The following ADGRL2 variants were observed in gnomAD, a reference collection of about 807,000 sequenced individuals.
ADGRL2 encodes the protein adhesion G protein-coupled receptor L2.
In ADGRL2, 44 loss-of-function variants were observed where a neutral mutation model predicts 157.4. The ratio of observed to expected loss-of-function variants is 0.28; its 90% CI spans 0.22 to 0.36. ADGRL2 has a LOEUF of 0.36. Ranked by LOEUF, ADGRL2 falls within the 10% of genes least tolerant of loss-of-function variation. The pLI, the probability that ADGRL2 is intolerant of heterozygous loss-of-function variation, is 1.00. For missense variants in ADGRL2, 1,510 were observed against 1,768.9 expected (o/e 0.85, Z 2.63); for synonymous variants, 585 against 624.7 (o/e 0.94, Z 0.95).
chr1:81,918,199 G>A (rs146730869), intron 3 of ADGRL2, among the ~76,000 whole-genome samples: 2,531 of 152,154 alleles, frequency 0.017, 46 homozygotes, highest in South Asian at 0.062. Flanking sequence ...TGAAGAAATG[G>A]CCTCTAGAAA....
At chr1:81,415,096 A>C (rs572704040) in intron 1 of ADGRL2, among the ~76,000 whole-genome samples, 1 of 152,358 alleles carries the variant, frequency 6.6e-6, no homozygotes, top group African/African-American at 2.4e-5. Flanking sequence ...AACACAAGGG[A>C]TATAGCTTTT....
intron 1 of ADGRL2, among the ~76,000 whole-genome samples, chr1:81,713,957 C>T (rs1485325697): frequency 6.6e-6 from 1 of 152,086 alleles, no homozygotes; most frequent in African/African-American, 2.4e-5. Flanking sequence ...GCTGGGGAGG[C>T]CTCACAATCA....
intron 1 of ADGRL2, among the ~76,000 whole-genome samples, chr1:81,824,756 A>T (rs1230616584): frequency 6.6e-6 from 1 of 152,156 alleles, no homozygotes; most frequent in Admixed American, 6.6e-5. Flanking sequence ...TAAACTATCA[A>T]GTTTATTCTG....
At chr1:81,446,351 G>A (rs2077596910) in intron 2 of ADGRL2, among the ~76,000 whole-genome samples, 1 of 152,116 alleles carries the variant, frequency 6.6e-6, no homozygotes, top group Admixed American at 6.5e-5. Context: ...AAAACAAAAA[G>A]CCTTTCAGGG....
chr1:81,501,350 A>G (rs186058095), intron 2 of ADGRL2, among the ~76,000 whole-genome samples: 10 of 152,306 alleles, frequency 6.6e-5, no homozygotes, highest in Admixed American at 4.6e-4. Flanking sequence ...CTATTCTGCA[A>G]TATTTCTGCT....
chr1:81,397,872 A>AT (rs1359516726), intron 1 of ADGRL2, among the ~76,000 whole-genome samples: 3 of 151,982 alleles, frequency 2.0e-5, no homozygotes, highest in Non-Finnish European at 4.4e-5. Flanking sequence ...TTCTTGGTTG[A>AT]TTTTTTCGTC....
At chr1:81,886,724 A>C (rs996553999) in intron 2 of ADGRL2, among the ~76,000 whole-genome samples, 1 of 151,184 alleles carries the variant, frequency 6.6e-6, no homozygotes, top group Non-Finnish European at 1.5e-5. Context: ...TTATTTAAAC[A>C]AAACCTTTCA....
chr1:81,706,603 G>A (rs893536587), intron 1 of ADGRL2, among the ~76,000 whole-genome samples: 1 of 152,150 alleles, frequency 6.6e-6, no homozygotes, highest in Non-Finnish European at 1.5e-5. Context: ...GATTGTCAAC[G>A]AAAAGAGAGA....
intron 2 of ADGRL2, among the ~76,000 whole-genome samples, chr1:81,839,557 G>C (rs2092450444): frequency 6.6e-6 from 1 of 151,584 alleles, no homozygotes; most frequent in South Asian, 2.1e-4. Context: ...CAAGTCCCCA[G>C]AATCCATTGT....
chr1:81,426,399 G>A (rs1169543610), intron 1 of ADGRL2: 2 of 314,226 alleles, frequency 6.4e-6, no homozygotes, highest in African/African-American at 2.3e-5. Context: ...ATTTCCTTCA[G>A]GTTAAAATAC....
chr1:81,474,717 T>G (rs573581018), intron 2 of ADGRL2, among the ~76,000 whole-genome samples: 4 of 152,358 alleles, frequency 2.6e-5, no homozygotes, highest in African/African-American at 9.6e-5. Flanking sequence ...AGGCTTGTGA[T>G]GCTTAAAATA....
intron 2 of ADGRL2, chr1:81,513,973 T>C (rs1004261672): frequency 6.6e-6 from 1 of 152,102 alleles, no homozygotes; most frequent in Non-Finnish European, 1.5e-5. Flanking sequence ...AAACGGCAGG[T>C]GTGAACTGTT....
intron 2 of ADGRL2, among the ~76,000 whole-genome samples, chr1:81,881,472 G>A (rs2093986124): frequency 6.6e-6 from 1 of 152,170 alleles, no homozygotes; most frequent in African/African-American, 2.4e-5. Flanking sequence ...CACCAAGCCT[G>A]GTCGTACTTC....
At chr1:81,512,888 A>T (rs78376572) in intron 2 of ADGRL2, among the ~76,000 whole-genome samples, 3,463 of 152,054 alleles carry the variant, frequency 0.023, 135 homozygotes, top group African/African-American at 0.08. Flanking sequence ...GAATTTACTT[A>T]ATCAGAATCA....
intron 3 of ADGRL2, among the ~76,000 whole-genome samples, chr1:81,629,819 G>GCTATGAGGCTCAGGCCA (rs1331618783): frequency 6.6e-6 from 1 of 151,730 alleles, no homozygotes; most frequent in Non-Finnish European, 1.5e-5. Context: ...TTGAACTCCT[G>GCTATGAGGCTCAGGCCA]GCCTCAAGTG....
At chr1:81,864,297 T>A (rs1486953230) in intron 2 of ADGRL2, among the ~76,000 whole-genome samples, 2 of 25,676 alleles carry the variant, frequency 7.8e-5, no homozygotes, top group Non-Finnish European at 1.6e-4. Flanking sequence ...AAGTCATGTG[T>A]CTGAAGTCAG....
At chr1:81,932,736 C>T (rs1004455552) in intron 3 of ADGRL2, among the ~76,000 whole-genome samples, 1 of 152,062 alleles carries the variant, frequency 6.6e-6, no homozygotes, top group Non-Finnish European at 1.5e-5. Context: ...TCTTGTTGCC[C>T]AGGCTGGAGT....
At chr1:81,377,301 A>C (rs2076266982) in intron 1 of ADGRL2, among the ~76,000 whole-genome samples, 1 of 152,148 alleles carries the variant, frequency 6.6e-6, no homozygotes, top group Non-Finnish European at 1.5e-5. Flanking sequence ...TTACTCTGAA[A>C]GTTGAATATT....
At chr1:81,470,163 A>G (rs1256695790) in intron 2 of ADGRL2, among the ~76,000 whole-genome samples, 1 of 152,222 alleles carries the variant, frequency 6.6e-6, no homozygotes, top group African/African-American at 2.4e-5. Flanking sequence ...TCATCCAAAG[A>G]GCCAGGAAGG....
Sources: allele counts gnomAD v4.1 joint callset (sites outside exome capture counted in the v4.1 genomes callset), GRCh38; gene constraint gnomAD v4.1.1; transcripts MANE v1.5; gene names NCBI Gene and HGNC (gene_info 2026-07-23, HGNC 2026-07-21).